PRORP: variants seen among roughly 807,000 people sequenced by gnomAD.
PRORP encodes mitochondrial ribonuclease P catalytic subunit.
In PRORP, 51 loss-of-function variants were observed where a neutral mutation model predicts 59.4. That is an observed-to-expected ratio of 0.86 (90% CI 0.69 to 1.08). The LOEUF (loss-of-function observed/expected upper bound fraction) is 1.08. Ranked by LOEUF, PRORP falls within the 50% of genes least tolerant of loss-of-function variation. The pLI is 0.00. For missense variants in PRORP, 646 were observed against 690.3 expected (o/e 0.94, Z 0.72); for synonymous variants, 231 against 245.6 (o/e 0.94, Z 0.55).
intron 4 of PRORP, among the ~76,000 whole-genome samples, chr14:35,139,303 AC>A (rs2047434262): frequency 6.9e-6 from 1 of 145,450 alleles, no homozygotes; most frequent in Non-Finnish European, 1.5e-5. Context: ...TATTTGACAT[AC>A]AGTAAACAGC....
In PRORP at chr14:35,274,253, T is replaced by G. The variant is rs2051267540; in HGVS notation, c.*687T>G. On this transcript the variant is annotated 3_prime_UTR_variant, in exon 8 of 8. Coordinates refer to ENST00000534898, the MANE Select transcript of PRORP (RefSeq NM_014672.4). ...GCCTCAAACTCCCAGGCTCAAGCAA[T>G]CTTCCTACCTCAGCCCTCCTGAGTA... 1 of 151,928 alleles carries G rather than the reference T, an allele frequency of 6.6e-6. No homozygotes were observed. Among genetic ancestry groups the G allele is most frequent in the South Asian group, 2.1e-4 (1 of 4,824 alleles). The allele number at this position is 151,928 out of a possible 1,614,324, so 9.4% of individuals were successfully genotyped here. A position where few individuals can be genotyped will look rare whatever the true frequency, so the allele number is the denominator to read the frequency against.
chr14:35,256,628 C>T (rs1173083131), intron 5 of PRORP, among the ~76,000 whole-genome samples: 1 of 151,870 alleles, frequency 6.6e-6, no homozygotes, highest in African/African-American at 2.4e-5. Flanking sequence ...CTGCGCCTGG[C>T]CCTGTGCTTA....
chr14:35,268,810 G>A (rs931708973), intron 6 of PRORP, among the ~76,000 whole-genome samples: 1 of 152,134 alleles, frequency 6.6e-6, no homozygotes, highest in African/African-American at 2.4e-5. Context: ...TGGCCAGGCT[G>A]GTCTCGAACT....
rs2051273959 is a variant in PRORP at position 35,274,793 on chromosome 14, G to A, written c.*1227G>A. 1 of 152,120 alleles carries A rather than the reference G, an allele frequency of 6.6e-6. No individual in the cohort carries two copies. The allele number at this position is 152,120 out of a possible 1,614,324, so 9.4% of individuals were successfully genotyped here. On this transcript the variant is annotated 3_prime_UTR_variant, in exon 8 of 8. Transcript: ENST00000534898. ...TGAACACTATTAATTTCATCATTCA[G>A]TATATGTGGGCTTTCTAAAATATGC... is the stretch of plus-strand genomic sequence containing the variant.
At chr14:35,167,528 T>C (rs2138977471) in intron 4 of PRORP, among the ~76,000 whole-genome samples, 1 of 152,316 alleles carries the variant, frequency 6.6e-6, no homozygotes, top group South Asian at 2.1e-4. Flanking sequence ...TTCTCTAGCC[T>C]CCATGTTAGT....
intron 5 of PRORP, among the ~76,000 whole-genome samples, chr14:35,221,648 A>G (rs1345570025): frequency 1.3e-5 from 2 of 151,982 alleles, no homozygotes; most frequent in African/African-American, 4.8e-5. Flanking sequence ...TGGGGCTTTG[A>G]CTCTGGAGCA....
chr14:35,223,020 T>A (rs8011465), intron 5 of PRORP, among the ~76,000 whole-genome samples: 3 of 151,954 alleles, frequency 2.0e-5, no homozygotes, highest in Non-Finnish European at 2.9e-5. Context: ...ATTTACTCTC[T>A]TAGGGTCAAG....
chr14:35,233,674 T>C (rs2050137526), intron 5 of PRORP, among the ~76,000 whole-genome samples: 1 of 152,188 alleles, frequency 6.6e-6, no homozygotes, highest in African/African-American at 2.4e-5. Flanking sequence ...ATTTTTTTCC[T>C]TTGTCTTTGA....
At chr14:35,176,414 C>T (rs938252076) in intron 4 of PRORP, among the ~76,000 whole-genome samples, 3 of 152,106 alleles carry the variant, frequency 2.0e-5, no homozygotes, top group Non-Finnish European at 2.9e-5. Context: ...TTTTTTATTT[C>T]GTTGAGCAGT....
intron 5 of PRORP, among the ~76,000 whole-genome samples, chr14:35,230,249 G>A (rs1000669603): frequency 1.3e-5 from 2 of 151,768 alleles, no homozygotes; most frequent in African/African-American, 2.4e-5. Flanking sequence ...AACGGGTTTC[G>A]CCATGTTGCC....
At chr14:35,160,346 A>G (rs2048026663) in intron 4 of PRORP, among the ~76,000 whole-genome samples, 1 of 152,124 alleles carries the variant, frequency 6.6e-6, no homozygotes. Flanking sequence ...TTCACAGGCT[A>G]CTCTGTTACT....
intron 5 of PRORP, among the ~76,000 whole-genome samples, chr14:35,184,800 T>G (rs945369263): frequency 6.6e-6 from 1 of 152,184 alleles, no homozygotes; most frequent in African/African-American, 2.4e-5. Flanking sequence ...CTGCATTAGT[T>G]TGCTAACGAT....
chr14:35,148,910 A>ACTTTTT (rs2047673709), intron 4 of PRORP, among the ~76,000 whole-genome samples: 1 of 115,408 alleles, frequency 8.7e-6, no homozygotes, highest in Non-Finnish European at 1.8e-5. Flanking sequence ...TGCACTTTTT[A>ACTTTTT]ATTTTTTTTT....
rs556528753 is a variant in PRORP, at chr14:35,216,305, T to C, written c.1275+35528T>C. Among the ~76,000 whole-genome samples, 632 of 148,422 alleles carry C rather than the reference T, an allele frequency of 4.3e-3. 8 individuals carry two copies. The highest frequency in any genetic ancestry group is 0.015 in the African/African-American group (592 of 40,742). ...TGTTTTTGTCTTTTTCCTTTCTGGG[T>C]TTTTTTTGTTGTTGTTGTTGTTTTG... On this transcript the variant is annotated intron_variant, in intron 5 of 7. Coordinates refer to ENST00000534898, the MANE Select transcript of PRORP (RefSeq NM_014672.4).
At chr14:35,197,972 G>A (rs1428843772) in intron 5 of PRORP, among the ~76,000 whole-genome samples, 1 of 152,102 alleles carries the variant, frequency 6.6e-6, no homozygotes, top group African/African-American at 2.4e-5. Flanking sequence ...TTAAGAGCAG[G>A]GGCTCATGCT....
At position 35,123,667 on chromosome 14, in the gene PRORP, A is replaced by G. The variant is rs765639761; in HGVS notation, c.422A>G (p.Glu141Gly). Residue 141 changes from glutamate to glycine, a missense_variant, in exon 2 of 8, where the codon GAA (glutamate) becomes GGA (glycine). Physicochemically the swap from Glu to Gly is moderately conservative, Grantham distance 98. Coordinates refer to ENST00000534898, the MANE Select transcript of PRORP (RefSeq NM_014672.4). ...LKENTGKTSF[E>G]SWIISQMAGC... ...GAAAACACCGGAAAGACCAGTTTCG[A>G]AAGTTGGATCATTTCACAGATGGCT... 6.2e-7 allele frequency: 1 copy of G among 1,614,222 alleles called. No homozygotes were observed. The highest frequency in any genetic ancestry group is 8.5e-7 in the Non-Finnish European group (1 of 1,180,050).
chr14:35,123,446 T>C lies in PRORP; in HGVS notation c.201T>C (p.Tyr67=). 2.5e-6 allele frequency: 4 copies of C among 1,614,188 alleles called. No individual in the cohort carries two copies. Among genetic ancestry groups the C allele is most frequent in the Admixed American group, 1.7e-5 (1 of 60,024 alleles). ...KATNLIAKAR[Y]LRKDEGSNKQ... ...CGAATCTGATTGCCAAGGCCAGATA[T>C]CTCAGGAAAGATGAGGGCAGTAATA... The change falls in exon 2 of 8, where the codon TAT becomes TAC. Residue 67 remains tyrosine, a synonymous_variant. Transcript: ENST00000534898.
intron 5 of PRORP, among the ~76,000 whole-genome samples, chr14:35,183,921 C>CTT (rs1272622354): frequency 6.6e-6 from 1 of 152,096 alleles, no homozygotes; most frequent in African/African-American, 2.4e-5. Context: ...TCTTCCTTAT[C>CTT]TTTCTCTTAA....
chr14:35,223,456 CTTTTTTTTTTTT>C (rs5807819), intron 5 of PRORP, among the ~76,000 whole-genome samples: 1 of 81,458 alleles, frequency 1.2e-5, no homozygotes, highest in Non-Finnish European at 2.4e-5. Flanking sequence ...TAGACTTTAA[CTTTTTTTTTTTT>C]TTTTTTTTTG....
Sources: allele counts gnomAD v4.1 joint callset (sites outside exome capture counted in the v4.1 genomes callset), GRCh38; gene constraint gnomAD v4.1.1; transcripts MANE v1.5; gene names NCBI Gene and HGNC (gene_info 2026-07-23, HGNC 2026-07-21).